Variants in PLOD2 observed in about 807,000 individuals in gnomAD.
PLOD2 encodes procollagen-lysine,2-oxoglutarate 5-dioxygenase 2.
In PLOD2, 65 loss-of-function variants were observed where a neutral mutation model predicts 101.0. That is an observed-to-expected ratio of 0.64 (90% confidence interval 0.53 to 0.79). PLOD2 has a LOEUF of 0.79. Among genes scored for constraint, PLOD2 ranks in the 30% least tolerant of loss-of-function variants. PLOD2 has a pLI of 0.00. For missense variants in PLOD2, 909 were observed against 914.6 expected (o/e 0.99, Z 0.08); for synonymous variants, 314 against 302.9 (o/e 1.04, Z -0.38).
chr3:146,096,580 T>G, intron 7 of PLOD2, among the ~76,000 whole-genome samples: 1 of 80,652 alleles, frequency 1.2e-5, no homozygotes, highest in East Asian at 4.7e-4. Flanking sequence ...GCCGCAACCC[T>G]GTCTGGGAGG....
chr3:146,123,295 T>C, intron 2 of PLOD2: 1 of 1,181,778 alleles, frequency 8.5e-7, no homozygotes, highest in Admixed American at 3.7e-5. Context: ...CTCTTATTTG[T>C]AGAAAAGACT....
chr3:146,071,449 A>G (rs1418872348), intron 17 of PLOD2, 26 bp from the exon 18 acceptor site: 1 of 1,606,916 alleles, frequency 6.2e-7, no homozygotes. Context: ...ATGACATAAT[A>G]AGCTGTACTC....
chr3:146,148,338 G>GCACACACACACACACACA lies in PLOD2; in HGVS notation c.109+12525_109+12542dup, dbSNP rs71158220. 5.6e-3 allele frequency among the ~76,000 whole-genome samples: 825 copies of GCACACACACACACACACA among 146,498 alleles called. 8 individuals are homozygous for GCACACACACACACACACA. Among genetic ancestry groups the GCACACACACACACACACA allele is most frequent in the Non-Finnish European group, 6.2e-3 (412 of 66,772 alleles). ...TACAGGCAGGCAGGCAGGCAGGCAC[G>GCACACACACACACACACA]CACACACACACACACACACACACAC... is the stretch of plus-strand genomic sequence containing the variant. On this transcript the variant is annotated intron_variant, in intron 1 of 19. Coordinates refer to ENST00000282903, the MANE Select transcript of PLOD2 (RefSeq NM_182943.3).
At chr3:146,083,591 T>C (rs1246067678) in intron 11 of PLOD2, among the ~76,000 whole-genome samples, 2 of 146,964 alleles carry the variant, frequency 1.4e-5, no homozygotes, top group East Asian at 2.0e-4. Flanking sequence ...TTTTTTTTTT[T>C]TTTTTTTTGA....
intron 1 of PLOD2, among the ~76,000 whole-genome samples, chr3:146,144,058 C>T (rs146927683): frequency 6.6e-5 from 10 of 152,238 alleles, no homozygotes; most frequent in Admixed American, 4.6e-4. Flanking sequence ...CAGAAAGCCT[C>T]CACCCTTCTA....
rs747560597 is a variant in PLOD2, at chr3:146,160,954, G to C, written c.36C>G (p.Leu12=). 3.8e-6 allele frequency: 6 copies of C among 1,599,712 alleles called. No individual in the cohort carries two copies. The Admixed American group carries it at 6.8e-5, about 18-fold the overall frequency. The change falls in exon 1 of 20, where the codon CTC becomes CTG. Residue 12 remains leucine, a synonymous_variant. Coordinates refer to ENST00000282903, the MANE Select transcript of PLOD2 (RefSeq NM_182943.3). ...GGCTVKPQLL[L]LALVLHPWNP... ...TCCAGGGGTGGAGGACGAGCGCCAGGAGCAGCAGCTGAGGCTTCACCGTGC... is the reference window on the plus strand; with the variant it reads ...TCCAGGGGTGGAGGACGAGCGCCAGCAGCAGCAGCTGAGGCTTCACCGTGC...
At chr3:146,128,977 T>C (rs142148785) in intron 1 of PLOD2, among the ~76,000 whole-genome samples, 50 of 128,976 alleles carry the variant, frequency 3.9e-4, no homozygotes, top group African/African-American at 1.3e-3. Flanking sequence ...ATAACAGCAC[T>C]AGCCCAGCTG....
intron 1 of PLOD2, among the ~76,000 whole-genome samples, chr3:146,132,887 A>G (rs776788751): frequency 6.6e-6 from 1 of 152,206 alleles, no homozygotes; most frequent in Non-Finnish European, 1.5e-5. Flanking sequence ...GAATTTTAAA[A>G]TAAAAGCCTG....
chr3:146,143,651 A>G (rs953675024), intron 1 of PLOD2, among the ~76,000 whole-genome samples: 2 of 152,090 alleles, frequency 1.3e-5, no homozygotes, highest in Non-Finnish European at 2.9e-5. Context: ...CAGGGCCACA[A>G]TGTATATAGT....
intron 1 of PLOD2, among the ~76,000 whole-genome samples, chr3:146,149,500 G>A (rs893121910): frequency 2.0e-5 from 3 of 152,028 alleles, no homozygotes; most frequent in East Asian, 1.9e-4. Flanking sequence ...TGACAGTACT[G>A]GTGTAACACA....
At position 146,079,097 on chromosome 3, in the gene PLOD2, C is replaced by T; in HGVS notation, c.1500+19G>A. On this transcript the variant is annotated intron_variant, in intron 13 of 19. Transcript: ENST00000282903. ...CATCTTATAAGAACATTCAAGCAAG[C>T]CATCACTGCATATCTTACCATTTCT... The T allele has an allele frequency of 6.2e-7, 1 of 1,610,116 alleles. No individual in the cohort carries two copies. Among genetic ancestry groups the T allele is most frequent in the Non-Finnish European group, 8.5e-7 (1 of 1,176,638 alleles).
Position 146,091,972 on chromosome 3 carries a change from C to T in PLOD2, c.778-71G>A, listed in dbSNP as rs898232699. The T allele has an allele frequency of 7.1e-5, 57 of 799,824 alleles. No individual in the cohort carries two copies. The Admixed American group carries it at 1.0e-3, about 14-fold the overall frequency. The allele number at this position is 799,824 out of a possible 1,614,324, so 49.5% of individuals were successfully genotyped here. ...CGGTGTGGTTTCATTCTATAATCATCTAATTTAAAAGCATGTTTTCTGCAG... is the reference window on the plus strand; with the variant it reads ...CGGTGTGGTTTCATTCTATAATCATTTAATTTAAAAGCATGTTTTCTGCAG... On this transcript the variant is annotated intron_variant, in intron 7 of 19. Transcript: ENST00000282903.
intron 1 of PLOD2, among the ~76,000 whole-genome samples, chr3:146,147,083 TA>T (rs35893777): frequency 0.14 from 21,766 of 152,062 alleles, 1,654 homozygotes; most frequent in East Asian, 0.23. Context: ...AAAATCCAAC[TA>T]AGAATGTAAA....
intron 7 of PLOD2, among the ~76,000 whole-genome samples, chr3:146,093,001 G>A (rs1227723516): frequency 6.6e-6 from 1 of 151,874 alleles, no homozygotes; most frequent in Non-Finnish European, 1.5e-5. Context: ...TCATTGGAAA[G>A]GTAAAATGAA....
chr3:146,086,648 C>A, intron 10 of PLOD2, 139 bp downstream of exon 10: 1 of 537,228 alleles, frequency 1.9e-6, no homozygotes. Context: ...TAGACACAGT[C>A]TAAGTTGGCT....
intron 1 of PLOD2, among the ~76,000 whole-genome samples, chr3:146,158,713 C>T (rs2032420963): frequency 6.6e-6 from 1 of 150,458 alleles, no homozygotes; most frequent in East Asian, 2.0e-4. Context: ...CTACTGGCAT[C>T]TAGTGCACAG....
At chr3:146,155,100 A>T (rs1483523266) in intron 1 of PLOD2, among the ~76,000 whole-genome samples, 1 of 152,184 alleles carries the variant, frequency 6.6e-6, no homozygotes, top group African/African-American at 2.4e-5. Flanking sequence ...TCAATTCTGT[A>T]CTGCTGCACC....
chr3:146,072,833 G>A (rs895174990), intron 16 of PLOD2, among the ~76,000 whole-genome samples, 168 bp from the exon 17 acceptor site: 3 of 151,428 alleles, frequency 2.0e-5, no homozygotes, highest in Non-Finnish European at 3.0e-5. Context: ...ATAAATAATG[G>A]TGCACCTCAG....
intron 1 of PLOD2, among the ~76,000 whole-genome samples, chr3:146,127,806 A>G (rs1385430348): frequency 1.3e-5 from 2 of 152,148 alleles, no homozygotes; most frequent in African/African-American, 2.4e-5. Flanking sequence ...TCAAAGCCAC[A>G]ATGAGATACC....
Sources: gnomAD v4.1 joint callset for allele counts (sites outside exome capture counted in the v4.1 genomes callset) on GRCh38, gnomAD v4.1.1 for gene constraint, MANE v1.5 for transcripts, NCBI Gene and HGNC (gene_info 2026-07-23, HGNC 2026-07-21) for gene names.